Variants in GAS7 observed in about 807,000 individuals in gnomAD.
The protein encoded by GAS7 is growth arrest-specific protein 7.
GAS7 carries 28 observed loss-of-function variants against 71.1 expected under a neutral mutation model. The observed-to-expected ratio is 0.39, with a 90% confidence interval of 0.29 to 0.54. The LOEUF (loss-of-function observed/expected upper bound fraction) is 0.54. Ranked by LOEUF, GAS7 falls within the 20% of genes least tolerant of loss-of-function variation. The pLI, the probability that GAS7 is intolerant of heterozygous loss-of-function variation, is 0.62. For missense variants in GAS7, 436 were observed against 627.8 expected, an observed-to-expected ratio of 0.69 and a Z score of 3.27; for synonymous variants, 258 against 245.8, an observed-to-expected ratio of 1.05 and a Z score of -0.46.
intron 2 of GAS7, among the ~76,000 whole-genome samples, chr17:10,003,173 C>G (rs892964631): frequency 6.6e-6 from 1 of 152,156 alleles, no homozygotes; most frequent in East Asian, 1.9e-4. Flanking sequence ...CACCTAACAC[C>G]TGGAAGTTGA....
At chr17:10,050,084 T>C (rs955358473) in intron 1 of GAS7, among the ~76,000 whole-genome samples, 1 of 152,232 alleles carries the variant, frequency 6.6e-6, no homozygotes, top group Non-Finnish European at 1.5e-5. Context: ...AGCATATTAA[T>C]TTTAATGCCT....
At chr17:9,940,847 T>A (rs1367568159) in intron 7 of GAS7, among the ~76,000 whole-genome samples, 1 of 152,230 alleles carries the variant, frequency 6.6e-6, no homozygotes, top group Non-Finnish European at 1.5e-5. Context: ...GGGAGTGTCC[T>A]GTATTATCTG....
chr17:9,975,635 A>G (rs1258702357), intron 3 of GAS7, among the ~76,000 whole-genome samples: 3 of 151,984 alleles, frequency 2.0e-5, no homozygotes, highest in African/African-American at 4.8e-5. Context: ...CAGGATAGCA[A>G]TTCTGCCAGA....
At chr17:10,054,107 A>G (rs1030755750) in intron 1 of GAS7, among the ~76,000 whole-genome samples, 17 of 152,176 alleles carry the variant, frequency 1.1e-4, no homozygotes, top group African/African-American at 3.9e-4. Context: ...TGGACCTAGA[A>G]GATTAATCTT....
At chr17:10,031,216 A>G (rs1456245421) in intron 1 of GAS7, among the ~76,000 whole-genome samples, 3 of 152,220 alleles carry the variant, frequency 2.0e-5, no homozygotes, top group Admixed American at 1.3e-4. Flanking sequence ...GGGCCAGTCA[A>G]TTCATTGGGT....
At chr17:10,074,787 A>G (rs139091340) in intron 1 of GAS7, among the ~76,000 whole-genome samples, 43 of 129,744 alleles carry the variant, frequency 3.3e-4, no homozygotes, top group African/African-American at 1.3e-3. Context: ...ATACCCTGAT[A>G]TCAAGTTCAA....
At chr17:10,006,417 C>A (rs1053982625) in intron 2 of GAS7, among the ~76,000 whole-genome samples, 6 of 148,560 alleles carry the variant, frequency 4.0e-5, no homozygotes, top group African/African-American at 1.5e-4. Context: ...GCAAGCTCCA[C>A]CTCCTGGGTC....
At chr17:9,921,168 T>C (rs2067793139) in intron 11 of GAS7, among the ~76,000 whole-genome samples, 1 of 150,728 alleles carries the variant, frequency 6.6e-6, no homozygotes, top group Non-Finnish European at 1.5e-5. Flanking sequence ...TTTTTTTTTT[T>C]TTTTTTGAGA....
chr17:9,948,282 T>G (rs955087755), intron 5 of GAS7, among the ~76,000 whole-genome samples: 3 of 152,258 alleles, frequency 2.0e-5, no homozygotes, highest in African/African-American at 7.2e-5. Context: ...ACTGATAACA[T>G]TGTTTGCTTC....
intron 8 of GAS7, among the ~76,000 whole-genome samples, chr17:9,939,822 C>T (rs2068534685): frequency 6.6e-6 from 1 of 152,140 alleles, no homozygotes; most frequent in Non-Finnish European, 1.5e-5. Flanking sequence ...GTGGGCCAGG[C>T]TGGTCTCGAA....
chr17:10,056,623 G>A (rs1191848287), intron 1 of GAS7, among the ~76,000 whole-genome samples: 1 of 152,152 alleles, frequency 6.6e-6, no homozygotes, highest in African/African-American at 2.4e-5. Flanking sequence ...TGTAATCCCA[G>A]CACTTTGGGA....
rs2072692676 is a variant in GAS7, at chr17:10,034,269, C to T, written c.184-14372G>A. On this transcript the variant is annotated intron_variant, in intron 1 of 13. Transcript: ENST00000432992. The surrounding 1 kb of genome is among the most constrained non-coding windows in gnomAD (Gnocchi z 4.4). Reference sequence around the variant, plus strand: ...CACGGAAGTTGGACCAGATGGTCTCCAAGGGCTTTCATATATACATATATA... The same window carrying T: ...CACGGAAGTTGGACCAGATGGTCTCTAAGGGCTTTCATATATACATATATA... 1 of 963,786 alleles carries T rather than the reference C, an allele frequency of 1.0e-6. No individual in the cohort carries two copies. Among genetic ancestry groups the T allele is most frequent in the Non-Finnish European group, 1.2e-6 (1 of 810,568 alleles). The allele number at this position is 963,786 out of a possible 1,614,324, so 59.7% of individuals were successfully genotyped here. A position where few individuals can be genotyped will look rare whatever the true frequency, so the allele number is the denominator to read the frequency against.
At chr17:10,028,528 G>C (rs984502634) in intron 1 of GAS7, among the ~76,000 whole-genome samples, 1 of 152,092 alleles carries the variant, frequency 6.6e-6, no homozygotes, top group Non-Finnish European at 1.5e-5. Context: ...GAAGCCTCAA[G>C]AGAAACACAA....
chr17:10,016,616 A>AC (rs1567542524), intron 2 of GAS7, among the ~76,000 whole-genome samples: 11 of 146,312 alleles, frequency 7.5e-5, no homozygotes, highest in African/African-American at 1.7e-4. Context: ...AAAAAAAAAA[A>AC]AAAAAAAACA....
At chr17:10,120,608 G>T (rs1380984832) in intron 1 of GAS7, among the ~76,000 whole-genome samples, 1 of 152,136 alleles carries the variant, frequency 6.6e-6, no homozygotes, top group Non-Finnish European at 1.5e-5. Context: ...GCTACTCGGG[G>T]TGCTGAGGCA....
Position 9,917,119 on chromosome 17 carries a change from T to C in GAS7, c.*109A>G. ...CTGGAATCACCAGCTCTCTCCCCTC[T>C]CCTCAGTGGCCCAGGAGAGAGGGTG... On this transcript the variant is annotated 3_prime_UTR_variant, in exon 14 of 14. Coordinates refer to ENST00000432992, the MANE Select transcript of GAS7 (RefSeq NM_201433.2). The C allele has an allele frequency of 1.3e-6, 1 of 756,146 alleles. No homozygotes were observed. The highest frequency in any genetic ancestry group is 1.9e-5 in the Admixed American group (1 of 51,636). The allele number at this position is 756,146 out of a possible 1,614,324, so 46.8% of individuals were successfully genotyped here. A position where few individuals can be genotyped will look rare whatever the true frequency, so the allele number is the denominator to read the frequency against.
At chr17:10,005,150 CATGCATGTGTGTGCGCACGCATGCATGT>C (rs988675315) in intron 2 of GAS7, among the ~76,000 whole-genome samples, 2 of 73,318 alleles carry the variant, frequency 2.7e-5, no homozygotes, top group East Asian at 1.9e-3. Flanking sequence ...CGCACGCATG[CATGCATGTGTGTGCGCACGCATGCATGT>C]ATGTGTATGT....
chr17:10,143,498 T>C (rs1339170984), intron 1 of GAS7, among the ~76,000 whole-genome samples: 1 of 149,274 alleles, frequency 6.7e-6, no homozygotes, highest in Non-Finnish European at 1.5e-5. Flanking sequence ...GCCGAGATCA[T>C]GCCATTGCAC....
intron 1 of GAS7, among the ~76,000 whole-genome samples, chr17:10,041,870 T>C (rs542637339): frequency 8.5e-5 from 13 of 152,280 alleles, no homozygotes; most frequent in African/African-American, 3.1e-4. Context: ...TTTTCCTGAG[T>C]TCAACGGCAT....
Sources: allele counts gnomAD v4.1 joint callset (sites outside exome capture counted in the v4.1 genomes callset), GRCh38; gene constraint gnomAD v4.1.1; non-coding constraint Gnocchi (gnomAD v3.1); transcripts MANE v1.5; gene names NCBI Gene and HGNC (gene_info 2026-07-23, HGNC 2026-07-21).